RNF125: variants seen among roughly 807,000 people sequenced by gnomAD.
RNF125 encodes the protein ring finger protein 125.
A neutral mutation model predicts 26.0 loss-of-function variants in RNF125; 21 were observed. The ratio of observed to expected loss-of-function variants is 0.81; its 90% CI spans 0.57 to 1.16. RNF125 has a LOEUF of 1.16. Among genes scored for constraint, RNF125 ranks in the 50% most tolerant of loss-of-function variants. The pLI, the probability that RNF125 is intolerant of heterozygous loss-of-function variation, is 0.00. For missense variants in RNF125, 270 were observed against 299.4 expected, an observed-to-expected ratio of 0.90 and a Z score of 0.72; for synonymous variants, 95 against 109.2, an observed-to-expected ratio of 0.87 and a Z score of 0.81.
At chr18:32,020,574 G>C (rs955819272) in intron 1 of RNF125, among the ~76,000 whole-genome samples, 2 of 151,288 alleles carry the variant, frequency 1.3e-5, no homozygotes, top group African/African-American at 4.8e-5. Flanking sequence ...ACTTTTGAAA[G>C]GATTTAGGTA....
At chr18:32,087,552 A>G in the RNF125 span, among the ~76,000 whole-genome samples, 1 of 151,836 alleles carries the variant, frequency 6.6e-6, no homozygotes, top group Admixed American at 6.5e-5. Context: ...AAAACCCCCC[A>G]CATATTTGTT....
At chr18:32,023,921 A>G (rs570021656) in intron 1 of RNF125, among the ~76,000 whole-genome samples, 2 of 152,274 alleles carry the variant, frequency 1.3e-5, no homozygotes, top group African/African-American at 4.8e-5. Flanking sequence ...CAAAAGAGAA[A>G]ACCATATTTT....
intron 5 of RNF125, among the ~76,000 whole-genome samples, chr18:32,067,054 C>G (rs1263759452): frequency 6.6e-6 from 1 of 152,184 alleles, no homozygotes; most frequent in African/African-American, 2.4e-5. Context: ...AGATCGTGAC[C>G]ATCCTGGCTA....
intron 2 of RNF125, 113 bp from the exon 3 acceptor site, chr18:32,042,066 A>T: frequency 1.4e-6 from 1 of 716,786 alleles, no homozygotes; most frequent in Non-Finnish European, 2.4e-6. Context: ...GCATCTATTT[A>T]GTCAGTTGAT....
intron 1 of RNF125, among the ~76,000 whole-genome samples, chr18:32,025,664 C>CA (rs34054474): frequency 0.053 from 3,367 of 64,096 alleles, 173 homozygotes; most frequent in African/African-American, 0.11. Context: ...AACTCTGTCT[C>CA]AAAAAAAAAA....
At chr18:32,056,631 A>T (rs1223190676) in intron 4 of RNF125, among the ~76,000 whole-genome samples, 1 of 151,560 alleles carries the variant, frequency 6.6e-6, no homozygotes, top group Non-Finnish European at 1.5e-5. Flanking sequence ...CAAAAAAAAA[A>T]AAAAAAAAAG....
At chr18:32,080,408 G>A in the RNF125 span, among the ~76,000 whole-genome samples, 3 of 152,318 alleles carry the variant, frequency 2.0e-5, no homozygotes, top group African/African-American at 7.2e-5. Context: ...ATGCAAGAAG[G>A]TCAAAGTCTT....
At chr18:32,038,117 C>T (rs12961341) in intron 2 of RNF125, among the ~76,000 whole-genome samples, 5 of 147,014 alleles carry the variant, frequency 3.4e-5, no homozygotes, top group Non-Finnish European at 5.9e-5. Context: ...GGCGCCATCT[C>T]GGCCCACTGC....
At chr18:32,085,700 CAAAA>C in the RNF125 span, among the ~76,000 whole-genome samples, 23 of 62,756 alleles carry the variant, frequency 3.7e-4, no homozygotes, top group African/African-American at 1.0e-3. Flanking sequence ...AACGACTTAT[CAAAA>C]AAAAAAAAAA....
chr18:32,047,789 T>G (rs761592028), intron 4 of RNF125, among the ~76,000 whole-genome samples: 2 of 151,914 alleles, frequency 1.3e-5, no homozygotes, highest in Non-Finnish European at 2.9e-5. Flanking sequence ...ATTAGACAGG[T>G]AGGTAGATAG....
chr18:32,047,319 G>A (rs1283202249), intron 4 of RNF125, among the ~76,000 whole-genome samples: 2 of 152,174 alleles, frequency 1.3e-5, no homozygotes, highest in Non-Finnish European at 2.9e-5. Flanking sequence ...TTACAGGTGT[G>A]AGCCACCGCG....
chr18:32,062,613 A>G (rs2039444947), intron 4 of RNF125, among the ~76,000 whole-genome samples: 1 of 152,152 alleles, frequency 6.6e-6, no homozygotes, highest in Non-Finnish European at 1.5e-5. Context: ...ATAAAACAAT[A>G]AGAAAGAAAA....
At chr18:32,088,181 C>T in the RNF125 span, among the ~76,000 whole-genome samples, 4 of 152,164 alleles carry the variant, frequency 2.6e-5, no homozygotes, top group Admixed American at 6.5e-5. Flanking sequence ...AGACTACTCA[C>T]CAGTCAGGAT....
intron 1 of RNF125, among the ~76,000 whole-genome samples, chr18:32,023,604 A>G (rs1207837573): frequency 6.6e-6 from 1 of 152,242 alleles, no homozygotes; most frequent in African/African-American, 2.4e-5. Context: ...TCTAAGTATG[A>G]CATTCCAGTT....
intron 4 of RNF125, among the ~76,000 whole-genome samples, chr18:32,047,561 A>T (rs112527930): frequency 0.016 from 2,452 of 152,332 alleles, 25 homozygotes; most frequent in Non-Finnish European, 0.025. Context: ...CTTTTACCTT[A>T]ATCTGACCAT....
intron 3 of RNF125, among the ~76,000 whole-genome samples, chr18:32,042,898 C>T (rs2039234409): frequency 6.6e-6 from 1 of 151,666 alleles, no homozygotes; most frequent in African/African-American, 2.4e-5. Context: ...CCTGCAATCC[C>T]AGCACTTTGG....
At chr18:32,026,110 G>A (rs1009995995) in intron 1 of RNF125, among the ~76,000 whole-genome samples, 4 of 143,758 alleles carry the variant, frequency 2.8e-5, no homozygotes, top group East Asian at 2.0e-4. Context: ...TGTTGCCCAC[G>A]CTGGAGTGCA....
intron 1 of RNF125, among the ~76,000 whole-genome samples, chr18:32,022,749 TA>T (rs2038997184): frequency 6.6e-6 from 1 of 152,186 alleles, no homozygotes; most frequent in South Asian, 2.1e-4. Flanking sequence ...TTTCAGTTAA[TA>T]ATTTCCTAGG....
downstream of RNF125, among the ~76,000 whole-genome samples, chr18:32,077,816 G>A (rs1373153772): frequency 1.3e-5 from 2 of 149,896 alleles, no homozygotes; most frequent in Non-Finnish European, 3.0e-5. Flanking sequence ...TAGAGACATG[G>A]TTTCACCCTC....
Sources: gnomAD v4.1 joint callset for allele counts (sites outside exome capture counted in the v4.1 genomes callset) on GRCh38, gnomAD v4.1.1 for gene constraint, MANE v1.5 for transcripts, NCBI Gene and HGNC (gene_info 2026-07-23, HGNC 2026-07-21) for gene names.